Variants in MINDY4B observed in about 807,000 individuals in gnomAD.
The protein encoded by MINDY4B is MINDY family member 4B.
MINDY4B carries 25 observed loss-of-function variants against 16.7 expected under a neutral mutation model. The ratio of observed to expected loss-of-function variants is 1.49; its 90% CI spans 1.09 to 2.09. MINDY4B has a LOEUF of 2.09. Ranked by LOEUF, MINDY4B falls within the 30% of genes most tolerant of loss-of-function variation. The pLI is 0.00. For missense variants in MINDY4B, 327 were observed against 168.4 expected (o/e 1.94, Z -5.21); for synonymous variants, 132 against 61.9 (o/e 2.13, Z -5.32).
At chr3:150,899,532 G>A (rs928478993) in intron 3 of MINDY4B, among the ~76,000 whole-genome samples, 10 of 152,134 alleles carry the variant, frequency 6.6e-5, no homozygotes, top group African/African-American at 2.4e-4. Context: ...CATGAGAGGA[G>A]AGGGACTCAG....
At chr3:150,898,863 T>C (rs530223510) in intron 3 of MINDY4B, among the ~76,000 whole-genome samples, 18 of 152,236 alleles carry the variant, frequency 1.2e-4, no homozygotes, top group Non-Finnish European at 2.5e-4. Context: ...GTTCTTACCC[T>C]GACTGCCTTG....
At chr3:150,901,758 C>A (rs965683346) in intron 3 of MINDY4B, among the ~76,000 whole-genome samples, 2 of 151,920 alleles carry the variant, frequency 1.3e-5, no homozygotes, top group Admixed American at 6.6e-5. Context: ...TGGCCTGAAG[C>A]AATCCCCCTG....
chr3:150,905,358 C>T lies in MINDY4B; in HGVS notation c.82G>A (p.Asp28Asn). 1 of 398,500 alleles carries T rather than the reference C, an allele frequency of 2.5e-6. No homozygotes were observed. The highest frequency in any genetic ancestry group is 4.4e-6 in the Non-Finnish European group (1 of 225,998). The allele number at this position is 398,500 out of a possible 1,614,324, so 24.7% of individuals were successfully genotyped here. A position where few individuals can be genotyped will look rare whatever the true frequency, so the allele number is the denominator to read the frequency against. The change falls in exon 1 of 12, where the codon GAC becomes AAC. Residue 28 changes from aspartate to asparagine, a missense_variant. Coordinates refer to ENST00000465419, the MANE Select transcript of MINDY4B (RefSeq NM_001351281.2). ...EEISRKISFL[D>N]KWREIFSYHR... is the part of the protein sequence containing the mutation. The stretch of plus-strand genomic sequence containing the variant: ...TAACTAAAGATTTCCCTCCATTTGT[C>T]AAGGAATGAAATTTTCCTTGAGATC...
rs1423382143 is a variant in MINDY4B, at chr3:150,893,431, T to C, written c.430-16A>G. 1 of 702,598 alleles carries C rather than the reference T, an allele frequency of 1.4e-6. No individual in the cohort carries two copies. The highest frequency in any genetic ancestry group is 1.5e-5 in the South Asian group (1 of 67,582). The allele number at this position is 702,598 out of a possible 1,614,324, so 43.5% of individuals were successfully genotyped here. A position where few individuals can be genotyped will look rare whatever the true frequency, so the allele number is the denominator to read the frequency against. On this transcript the variant is annotated splice_polypyrimidine_tract_variant and intron_variant, in intron 4 of 11. Transcript: ENST00000465419. ...GGGCCCCTCCCTGAAATGAGGAGAA[T>C]GAATGACGAGGTGAAGAACTCTTGG...
intron 7 of MINDY4B, among the ~76,000 whole-genome samples, chr3:150,885,935 A>G (rs1477956482): frequency 6.6e-6 from 1 of 152,168 alleles, no homozygotes; most frequent in Non-Finnish European, 1.5e-5. Flanking sequence ...CCAATCCACA[A>G]TCAAGGATAA....
At chr3:150,873,654 A>G (rs1717020453) in intron 10 of MINDY4B, among the ~76,000 whole-genome samples, 1 of 152,188 alleles carries the variant, frequency 6.6e-6, no homozygotes, top group South Asian at 2.1e-4. Context: ...TTTGGCTTTG[A>G]GGCGAAGTGA....
chr3:150,888,629 A>G (rs1466445014), intron 7 of MINDY4B, among the ~76,000 whole-genome samples: 2 of 152,132 alleles, frequency 1.3e-5, no homozygotes, highest in African/African-American at 2.4e-5. Context: ...AGAGGAATAT[A>G]TATACACCAT....
chr3:150,879,592 G>A (rs535964441), intron 10 of MINDY4B, among the ~76,000 whole-genome samples: 41 of 152,306 alleles, frequency 2.7e-4, no homozygotes, highest in African/African-American at 9.6e-4. Flanking sequence ...TGTTGGCTAC[G>A]TAATTTGTGG....
chr3:150,900,332 G>A (rs1712085592), intron 3 of MINDY4B, among the ~76,000 whole-genome samples: 1 of 152,238 alleles, frequency 6.6e-6, no homozygotes, highest in African/African-American at 2.4e-5. Flanking sequence ...GACAGTGTGT[G>A]CCAATGTCAG....
At position 150,890,975 on chromosome 3, in the gene MINDY4B, G is replaced by A. The variant is rs1278554412; in HGVS notation, c.650C>T (p.Ser217Leu). The A allele has an allele frequency of 5.6e-5, 39 of 702,676 alleles. No homozygotes were observed. In the Admixed American group the frequency reaches 7.4e-4, roughly 13 times the overall value. The allele number at this position is 702,676 out of a possible 1,614,324, so 43.5% of individuals were successfully genotyped here. ...CLVTEDIYVA[S>L]TPDYSVDNFT... ...ATTGTCCACAGAGTAGTCCGGAGTCGACGCAACGTAAATGTCCTCAGTGAC... is the reference window on the plus strand; with the variant it reads ...ATTGTCCACAGAGTAGTCCGGAGTCAACGCAACGTAAATGTCCTCAGTGAC... The change falls in exon 6 of 12, where the codon TCG (serine) becomes TTG (leucine). Residue 217 changes from serine to leucine, a missense_variant. Physicochemically the swap from Ser to Leu is moderately radical, Grantham distance 145. Coordinates refer to ENST00000465419, the MANE Select transcript of MINDY4B (RefSeq NM_001351281.2).
intron 10 of MINDY4B, among the ~76,000 whole-genome samples, chr3:150,881,069 A>G (rs191591730): frequency 3.9e-5 from 6 of 152,162 alleles, no homozygotes; most frequent in African/African-American, 9.7e-5. Context: ...CATCCACACA[A>G]TAGAACTCTT....
At chr3:150,896,667 G>A (rs928116699) in intron 3 of MINDY4B, among the ~76,000 whole-genome samples, 4 of 152,174 alleles carry the variant, frequency 2.6e-5, no homozygotes, top group African/African-American at 9.7e-5. Context: ...TAGCCACCTA[G>A]CAAGCCTACC....
intron 10 of MINDY4B, among the ~76,000 whole-genome samples, chr3:150,877,869 T>C (rs1040750354): frequency 2.6e-5 from 4 of 152,216 alleles, no homozygotes; most frequent in Non-Finnish European, 5.9e-5. Context: ...AGTATAATTC[T>C]AAGAACTGGC....
chr3:150,872,895 T>C (rs930604815), intron 11 of MINDY4B, among the ~76,000 whole-genome samples: 4 of 152,228 alleles, frequency 2.6e-5, no homozygotes, highest in Admixed American at 2.0e-4. Context: ...CCCCGGAGAA[T>C]GGTTTTTGGA....
At position 150,882,519 on chromosome 3, in the gene MINDY4B, G is replaced by A. The variant is rs529228964; in HGVS notation, c.1059+378C>T. Among the ~76,000 whole-genome samples the A allele has an allele frequency of 1.5e-3, 233 of 151,386 alleles. 1 individual carries two copies. Among genetic ancestry groups the A allele is most frequent in the Middle Eastern group, 6.8e-3 (2 of 292 alleles). On this transcript the variant is annotated intron_variant, in intron 10 of 11. Coordinates refer to ENST00000465419, the MANE Select transcript of MINDY4B (RefSeq NM_001351281.2). Reference sequence around the variant, plus strand: ...TATTTCTGTGAAGGGGTATGTAGCCGCATGGGGATGACAGAGGACTTTTCC... The same window carrying A: ...TATTTCTGTGAAGGGGTATGTAGCCACATGGGGATGACAGAGGACTTTTCC...
rs189230642 is a variant in MINDY4B, at chr3:150,879,644, A to G, written c.1059+3253T>C. ...AAAATGTGGGGGCCCTCGTTCAAAC[A>G]TTAACAATTTCAAGACAGTGATACC... On this transcript the variant is annotated intron_variant, in intron 10 of 11. Coordinates refer to ENST00000465419, the MANE Select transcript of MINDY4B (RefSeq NM_001351281.2). Among the ~76,000 whole-genome samples the G allele has an allele frequency of 2.7e-4, 41 of 152,322 alleles. 1 individual carries two copies. The East Asian group carries it at 7.5e-3, about 28-fold the overall frequency.
chr3:150,885,532 A>T, intron 7 of MINDY4B, 94 bp from the exon 8 acceptor site: 1 of 671,572 alleles, frequency 1.5e-6, no homozygotes, highest in Non-Finnish European at 2.7e-6. Flanking sequence ...AGGCTGAGAG[A>T]ATTTTTTCCC....
rs1312098218 is a variant in MINDY4B at position 150,882,995 on chromosome 3, C to T, written c.961G>A (p.Gly321Arg). The T allele has an allele frequency of 5.7e-6, 4 of 702,566 alleles. No individual in the cohort carries two copies. Among genetic ancestry groups the T allele is most frequent in the Non-Finnish European group, 7.8e-6 (3 of 384,764 alleles). The allele number at this position is 702,566 out of a possible 1,614,324, so 43.5% of individuals were successfully genotyped here. A position where few individuals can be genotyped will look rare whatever the true frequency, so the allele number is the denominator to read the frequency against. Residue 321 changes from glycine (G) to arginine (R), a missense_variant, in exon 10 of 12, where the codon GGA becomes AGA. By Grantham distance (125) the Gly-to-Arg change is moderately radical. Coordinates refer to ENST00000465419, the MANE Select transcript of MINDY4B (RefSeq NM_001351281.2). ...CCATGTAGTGTTTCCTGAGACTTTC[C>T]TTCCTCACAGCCATTGAAGACATTG... ...SPNVFNGCEE[G>R]KSQETLHGVL...
chr3:150,871,423 C>T (rs1370652059), intron 11 of MINDY4B, among the ~76,000 whole-genome samples: 6 of 152,028 alleles, frequency 3.9e-5, no homozygotes, highest in Non-Finnish European at 7.4e-5. Context: ...TGTGTTGAAA[C>T]GCCCCATACA....
Sources: gnomAD v4.1 joint callset for allele counts (sites outside exome capture counted in the v4.1 genomes callset) on GRCh38, gnomAD v4.1.1 for gene constraint, MANE v1.5 for transcripts, NCBI Gene and HGNC (gene_info 2026-07-23, HGNC 2026-07-21) for gene names.